The following ESR2 variants were observed in gnomAD, a reference collection of about 807,000 sequenced individuals.
The protein encoded by ESR2 is estrogen receptor 2, also known as estrogen receptor beta.
Under a neutral mutation model 49.6 loss-of-function variants are expected in ESR2, and 36 were observed. That is an observed-to-expected ratio of 0.73 (90% CI 0.56 to 0.96). The LOEUF is 0.96. Ranked by LOEUF, ESR2 falls within the 40% of genes least tolerant of loss-of-function variation. ESR2 has a pLI of 0.00. For synonymous variants in ESR2, 320 were observed against 266.1 expected (o/e 1.20, Z -1.97); for missense variants, 714 against 693.0 (o/e 1.03, Z -0.34).
chr14:64,278,407 C>T (rs1256034), intron 3 of ESR2, among the ~76,000 whole-genome samples: 6,975 of 152,216 alleles, frequency 0.046, 521 homozygotes, highest in East Asian at 0.37. Context: ...CACTCCTCAC[C>T]ATATCCTGGA....
At chr14:64,281,551 A>AAAC (rs900558068) in intron 2 of ESR2, among the ~76,000 whole-genome samples, 73 of 152,310 alleles carry the variant, frequency 4.8e-4, no homozygotes, top group African/African-American at 1.6e-3. Context: ...TAATGGTGCA[A>AAAC]TGTTACTGTC....
intron 3 of ESR2, among the ~76,000 whole-genome samples, chr14:64,278,242 T>C (rs1301133995): frequency 1.3e-5 from 2 of 152,224 alleles, no homozygotes; most frequent in African/African-American, 4.8e-5. Flanking sequence ...ATTTCATCTT[T>C]AGAAAATCCC....
intron 1 of ESR2, among the ~76,000 whole-genome samples, chr14:64,324,954 G>A (rs1027599702): frequency 2.0e-5 from 3 of 152,184 alleles, no homozygotes; most frequent in Admixed American, 2.0e-4. Context: ...TGTAGCAGAT[G>A]TCACTAGCAT....
At chr14:64,287,414 T>G (rs751446808) in intron 1 of ESR2, among the ~76,000 whole-genome samples, 12 of 152,234 alleles carry the variant, frequency 7.9e-5, no homozygotes, top group Non-Finnish European at 1.5e-4. Flanking sequence ...AATCAACTTC[T>G]GTAGAATTTC....
chr14:64,245,534 AAAG>A (rs1239035776), intron 7 of ESR2, among the ~76,000 whole-genome samples: 255 of 150,762 alleles, frequency 1.7e-3, no homozygotes, highest in African/African-American at 5.9e-3. Context: ...AAAAAAAAAA[AAAG>A]ATTTCTTAAA....
chr14:64,282,865 G>A lies in ESR2; in HGVS notation c.121C>T (p.His41Tyr). The A allele has an allele frequency of 6.2e-7, 1 of 1,614,208 alleles. No homozygotes were observed. Among genetic ancestry groups the A allele is most frequent in the Non-Finnish European group, 8.5e-7 (1 of 1,180,026 alleles). ...YIPSSYVDSH[H>Y]EYPAMTFYSP... ...TAGAATGTCATGGCTGGATATTCAT[G>A]GTGGCTGTCTACATAGGAGGAAGGT... Residue 41 changes from histidine to tyrosine, a missense_variant, in exon 2 of 9, where the codon CAT becomes TAT. By Grantham distance (83) the His-to-Tyr change is moderately conservative. Transcript: ENST00000341099.
At chr14:64,258,533 A>T (rs1175336774) in intron 5 of ESR2, among the ~76,000 whole-genome samples, 3 of 152,206 alleles carry the variant, frequency 2.0e-5, no homozygotes, top group Admixed American at 6.5e-5. Context: ...AAATGGGGGT[A>T]ACAATGCCTA....
intron 1 of ESR2, among the ~76,000 whole-genome samples, chr14:64,327,543 A>T (rs1266830693): frequency 2.0e-5 from 3 of 151,636 alleles, no homozygotes; most frequent in Non-Finnish European, 4.4e-5. Context: ...TAAAACTACA[A>T]AAATTAGCCG....
At chr14:64,336,032 A>G in intron 1 of ESR2, 1 of 149,068 alleles carries the variant, frequency 6.7e-6, no homozygotes, top group East Asian at 2.0e-4. Flanking sequence ...TGTATTTTTA[A>G]TAGAGACGGG....
At chr14:64,244,544 C>T (rs933911492) in intron 7 of ESR2, among the ~76,000 whole-genome samples, 15 of 152,282 alleles carry the variant, frequency 9.9e-5, no homozygotes, top group African/African-American at 3.4e-4. Flanking sequence ...AGCTGGAACA[C>T]CCATTTTCTC....
intron 4 of ESR2, among the ~76,000 whole-genome samples, chr14:64,263,509 T>G (rs569164568): frequency 5.9e-5 from 9 of 152,122 alleles, no homozygotes; most frequent in African/African-American, 2.2e-4. Context: ...ATACAAAAAT[T>G]ACCCAGGCAT....
chr14:64,304,815 G>A (rs1004376832), intron 1 of ESR2, among the ~76,000 whole-genome samples: 1 of 152,058 alleles, frequency 6.6e-6, no homozygotes, highest in African/African-American at 2.4e-5. Flanking sequence ...GTTTGAGGCT[G>A]CAGTGAGCTG....
chr14:64,260,275 T>C, intron 5 of ESR2, 174 bp downstream of exon 5: 1 of 785,660 alleles, frequency 1.3e-6, no homozygotes, highest in Admixed American at 1.7e-5. Context: ...TGAAGGTAGG[T>C]ATGCCAAGAC....
intron 1 of ESR2, among the ~76,000 whole-genome samples, chr14:64,291,284 T>C (rs1228914328): frequency 6.6e-6 from 1 of 152,140 alleles, no homozygotes; most frequent in Admixed American, 6.6e-5. Flanking sequence ...CAATCTATCT[T>C]TCTAGGTCAC....
intron 6 of ESR2, among the ~76,000 whole-genome samples, chr14:64,250,240 A>G (rs535857091): frequency 2.5e-4 from 38 of 152,206 alleles, no homozygotes; most frequent in Non-Finnish European, 5.0e-4. Context: ...AAAGCTGACT[A>G]TGAGAAAGAA....
Position 64,229,687 on chromosome 14 carries a change from A to G in ESR2, c.*3450T>C, listed in dbSNP as rs919251495. ...CTGCCTGTGTTCAGCTCAATCACCT[A>G]CTCCCCACGTGACCTTCAGCAAGTT... On this transcript the variant is annotated 3_prime_UTR_variant, in exon 9 of 9. Transcript: ENST00000341099. 6.6e-6 allele frequency among the ~76,000 whole-genome samples: 1 copy of G among 151,804 alleles called. No homozygotes were observed.
intron 6 of ESR2, among the ~76,000 whole-genome samples, chr14:64,251,429 ACT>A (rs2075988251): frequency 7.2e-6 from 1 of 138,254 alleles, no homozygotes; most frequent in Non-Finnish European, 1.6e-5. Flanking sequence ...ACACACACAC[ACT>A]CACACACACC....
At chr14:64,251,412 T>TACAC (rs111881046) in intron 6 of ESR2, among the ~76,000 whole-genome samples, 17,388 of 149,336 alleles carry the variant, frequency 0.12, 2,017 homozygotes, top group African/African-American at 0.29. Context: ...GCACAATACA[T>TACAC]ACACACACAC....
chr14:64,301,113 A>G (rs746035219), intron 1 of ESR2, among the ~76,000 whole-genome samples: 5 of 152,292 alleles, frequency 3.3e-5, no homozygotes, highest in South Asian at 2.1e-4. Context: ...GCTAGTAAGT[A>G]GCAGAGGGTT....
Sources: allele counts gnomAD v4.1 joint callset (sites outside exome capture counted in the v4.1 genomes callset), GRCh38; gene constraint gnomAD v4.1.1; transcripts MANE v1.5; gene names NCBI Gene and HGNC (gene_info 2026-07-23, HGNC 2026-07-21).